Variants in TLL1 observed in about 807,000 individuals in gnomAD.
TLL1 encodes the protein tolloid-like protein 1.
A neutral mutation model predicts 128.2 loss-of-function variants in TLL1; 49 were observed. The observed-to-expected ratio is 0.38, with a 90% CI of 0.30 to 0.48. The LOEUF is 0.48. Ranked by LOEUF, TLL1 falls within the 20% of genes least tolerant of loss-of-function variation. TLL1 has a pLI of 0.96. For missense variants in TLL1, 1,123 were observed against 1,242.0 expected (o/e 0.90, Z 1.44); for synonymous variants, 454 against 418.8 (o/e 1.08, Z -1.03).
intron 1 of TLL1, among the ~76,000 whole-genome samples, chr4:165,948,018 A>G (rs147206743): frequency 6.6e-5 from 10 of 152,258 alleles, no homozygotes; most frequent in African/African-American, 2.4e-4. Context: ...AAAAAAGTTG[A>G]CTCAGAGGGC....
At chr4:166,055,667 A>C (rs1394614404) in intron 13 of TLL1, among the ~76,000 whole-genome samples, 2 of 152,176 alleles carry the variant, frequency 1.3e-5, no homozygotes, top group African/African-American at 4.8e-5. Context: ...GTATTCCCCC[A>C]CATTGAAAAT....
At chr4:166,007,484 T>C (rs1381771439) in intron 6 of TLL1, among the ~76,000 whole-genome samples, 2 of 151,688 alleles carry the variant, frequency 1.3e-5, no homozygotes, top group Admixed American at 6.6e-5. Flanking sequence ...TTAACTAATA[T>C]TGCTTTTATA....
At chr4:165,903,982 CTT>C (rs773314835) in intron 1 of TLL1, among the ~76,000 whole-genome samples, 35 of 151,840 alleles carry the variant, frequency 2.3e-4, no homozygotes, top group Non-Finnish European at 2.4e-4. Flanking sequence ...CTCATTTAGT[CTT>C]TTTATATTAT....
Position 165,919,797 on chromosome 4 carries a change from C to T in TLL1, c.169+45724C>T, listed in dbSNP as rs1430978478. 6.6e-6 allele frequency: 3 copies of T among 455,976 alleles called. No homozygotes were observed. The East Asian group carries it at 2.1e-4, about 32-fold the overall frequency. 28.2% of individuals were successfully genotyped at this position (455,976 alleles called of 1,614,324 possible). On this transcript the variant is annotated intron_variant, in intron 1 of 20. Transcript: ENST00000061240. The stretch of plus-strand genomic sequence containing the variant: ...CCTCTTGCAGGCCTTGTTTAAAACA[C>T]TCACTCTGGGATACTACTGTGCTTC...
At chr4:165,975,148 G>C (rs1237048363) in intron 1 of TLL1, among the ~76,000 whole-genome samples, 1 of 152,178 alleles carries the variant, frequency 6.6e-6, no homozygotes, top group Non-Finnish European at 1.5e-5. Flanking sequence ...CAGGAAGTGG[G>C]TTTGGCGATG....
intron 9 of TLL1, among the ~76,000 whole-genome samples, chr4:166,038,503 C>A (rs552216007): frequency 1.7e-4 from 25 of 144,836 alleles, no homozygotes; most frequent in East Asian, 6.1e-4. Flanking sequence ...AAAAAAAAAA[C>A]CAGATGAATT....
chr4:165,877,457 C>T lies in TLL1; in HGVS notation c.169+3384C>T, dbSNP rs547638503. ...AATATACAATCAGGTTTCTCTTACT[C>T]TCTAGGTCAGGAGGCTCCCAAGGGA... On this transcript the variant is annotated intron_variant, in intron 1 of 20. Transcript: ENST00000061240. 1.4e-4 allele frequency among the ~76,000 whole-genome samples: 21 copies of T among 152,354 alleles called. 1 individual carries two copies. In the South Asian group the frequency reaches 4.1e-3, roughly 30 times the overall value.
chr4:165,945,998 A>T (rs1734230331), intron 1 of TLL1, among the ~76,000 whole-genome samples: 1 of 152,196 alleles, frequency 6.6e-6, no homozygotes, highest in Non-Finnish European at 1.5e-5. Context: ...GGAAAGATGT[A>T]GCAGAAGAGA....
chr4:166,076,478 T>C (rs1560855438), intron 17 of TLL1, among the ~76,000 whole-genome samples: 2 of 152,184 alleles, frequency 1.3e-5, no homozygotes, highest in Non-Finnish European at 2.9e-5. Flanking sequence ...GGTAGCAAAT[T>C]TGTCTGTTCA....
intron 1 of TLL1, among the ~76,000 whole-genome samples, chr4:165,921,308 T>C (rs1733030191): frequency 6.6e-6 from 1 of 152,190 alleles, no homozygotes; most frequent in African/African-American, 2.4e-5. Flanking sequence ...ATGGTTGTCT[T>C]TTTTATACGT....
At chr4:165,956,552 C>T (rs1209434016) in intron 1 of TLL1, among the ~76,000 whole-genome samples, 1 of 152,050 alleles carries the variant, frequency 6.6e-6, no homozygotes. Flanking sequence ...TTTGCCTGAC[C>T]TCACAGGCAG....
chr4:166,002,355 G>T (rs948297526), intron 5 of TLL1, among the ~76,000 whole-genome samples: 3 of 152,036 alleles, frequency 2.0e-5, no homozygotes, highest in Admixed American at 2.0e-4. Context: ...ATTTTGGGGG[G>T]ATATAATATT....
At chr4:166,026,628 G>A (rs1281629033) in intron 9 of TLL1, among the ~76,000 whole-genome samples, 2 of 151,984 alleles carry the variant, frequency 1.3e-5, no homozygotes, top group East Asian at 1.9e-4. Flanking sequence ...CGGAGGTTGC[G>A]GCGAGCCGAG....
chr4:165,905,567 C>G (rs940745882), intron 1 of TLL1, among the ~76,000 whole-genome samples: 11 of 152,118 alleles, frequency 7.2e-5, no homozygotes, highest in African/African-American at 2.7e-4. Flanking sequence ...CTGTTTAGAT[C>G]TTATCTCCTG....
chr4:165,990,282 G>A (rs1012503461), intron 2 of TLL1, among the ~76,000 whole-genome samples: 1 of 151,650 alleles, frequency 6.6e-6, no homozygotes, highest in South Asian at 2.1e-4. Context: ...TATATTAATA[G>A]CTAAAATATT....
Position 165,976,033 on chromosome 4 carries a change from T to G in TLL1, c.170-13348T>G, listed in dbSNP as rs909144127. Among the ~76,000 whole-genome samples the G allele has an allele frequency of 4.2e-4, 4 of 9,572 alleles. No homozygotes were observed. In the Admixed American group the frequency reaches 7.2e-3, roughly 17 times the overall value. 6.3% of individuals were successfully genotyped at this position (9,572 alleles called of 152,430 possible). A position where few individuals can be genotyped will look rare whatever the true frequency, so the allele number is the denominator to read the frequency against. On this transcript the variant is annotated intron_variant, in intron 1 of 20. Transcript: ENST00000061240. ...CTGGGTAACAGAGTGAGATTCCATC[T>G]CAAAAAAAAAAAAAAAAAAAAAAAA...
chr4:165,876,249 G>A (rs1269473768), intron 1 of TLL1, among the ~76,000 whole-genome samples: 2 of 152,010 alleles, frequency 1.3e-5, no homozygotes, highest in Admixed American at 6.6e-5. Context: ...CAAAATTTTA[G>A]TGCCTCCTTT....
intron 18 of TLL1, 145 bp downstream of exon 18, chr4:166,078,175 T>G: frequency 7.8e-7 from 1 of 1,289,030 alleles, no homozygotes; most frequent in Non-Finnish European, 1.1e-6. Context: ...CTTTCCTACT[T>G]GCACTAAAAT....
intron 1 of TLL1, among the ~76,000 whole-genome samples, chr4:165,904,966 C>T (rs990912093): frequency 6.6e-6 from 1 of 152,188 alleles, no homozygotes; most frequent in Non-Finnish European, 1.5e-5. Flanking sequence ...TGAGATACTT[C>T]TTTAACCTAT....
Sources: allele counts gnomAD v4.1 joint callset (sites outside exome capture counted in the v4.1 genomes callset), GRCh38; gene constraint gnomAD v4.1.1; transcripts MANE v1.5; gene names NCBI Gene and HGNC (gene_info 2026-07-23, HGNC 2026-07-21).